The following LRCH4 variants were observed in gnomAD, a reference collection of about 807,000 sequenced individuals.
LRCH4 encodes the protein leucine rich repeats and calponin homology domain containing 4.
A neutral mutation model predicts 81.2 loss-of-function variants in LRCH4; 56 were observed. The ratio of observed to expected loss-of-function variants is 0.69; its 90% CI spans 0.56 to 0.86. The LOEUF is 0.86. LRCH4 is among the 40% of genes least tolerant of loss of function. LRCH4 has a pLI of 0.00. For missense variants in LRCH4, 895 were observed against 922.8 expected (o/e 0.97, Z 0.39); for synonymous variants, 442 against 409.7 (o/e 1.08, Z -0.95).
At position 100,577,512 on chromosome 7, in the gene LRCH4, C is replaced by T. The variant is rs752129086; in HGVS notation, c.1163G>A (p.Arg388Lys). The change falls in exon 10 of 18, where the codon AGG becomes AAG. Residue 388 changes from arginine (R) to lysine (K), a missense_variant. Arg to Lys is a conservative substitution (Grantham distance 26). Coordinates refer to ENST00000310300, the MANE Select transcript of LRCH4 (RefSeq NM_002319.5). This position sits in a 1 kb window ranked among gnomAD's most constrained non-coding sequence, Gnocchi z 6.7. Reference protein sequence around the residue: ...ELSPGAGDRERAPSSRREEPA... With the variant: ...ELSPGAGDREKAPSSRREEPA... ...CTTGGGGTACCTGCTGCTTGGTGCCCTCTCCCTGTCCCCTGCCCCAGGGCT... is the reference window on the plus strand; with the variant it reads ...CTTGGGGTACCTGCTGCTTGGTGCCTTCTCCCTGTCCCCTGCCCCAGGGCT... 8 of 1,609,518 alleles carry T rather than the reference C, an allele frequency of 5.0e-6. No homozygotes were observed. The African/African-American group carries it at 1.1e-4, about 21-fold the overall frequency.
Position 100,576,285 on chromosome 7 carries a change from A to G in LRCH4, c.1591T>C (p.Tyr531His), listed in dbSNP as rs577507745. The G allele has an allele frequency of 6.2e-7, 1 of 1,614,134 alleles. No individual in the cohort carries two copies. The highest frequency in any genetic ancestry group is 8.5e-7 in the Non-Finnish European group (1 of 1,180,010). ...SPDSVLRPRR[Y>H]PQVPDEKDLM... ...TCCTTCTCATCTGGAACCTGGGGGT[A>G]CCGCCGAGGTCTCAGGACAGAGTCT... The change falls in exon 15 of 18, where the codon TAC becomes CAC. Residue 531 changes from tyrosine (Y) to histidine (H), a missense_variant. Around this residue, in one of 3 missense-constraint regions of LRCH4, gnomAD observed 529 missense variants for 504.9 expected, o/e 1.05. Transcript: ENST00000310300.
In LRCH4 at chr7:100,574,759, C is replaced by T. The variant is rs956974788; in HGVS notation, c.*348G>A. On this transcript the variant is annotated 3_prime_UTR_variant, in exon 18 of 18. Transcript: ENST00000310300. ...CTACAAAATAGAGATAATTTAGCCCCCCCATAGCAGCTGTTGGGGGGGGAA... is the reference window on the plus strand; with the variant it reads ...CTACAAAATAGAGATAATTTAGCCCTCCCATAGCAGCTGTTGGGGGGGGAA... 1 of 265,934 alleles carries T rather than the reference C, an allele frequency of 3.8e-6. No individual in the cohort carries two copies. Among genetic ancestry groups the T allele is most frequent in the Non-Finnish European group, 7.2e-6 (1 of 138,312 alleles). The allele number at this position is 265,934 out of a possible 1,614,324, so 16.5% of individuals were successfully genotyped here. A position where few individuals can be genotyped will look rare whatever the true frequency, so the allele number is the denominator to read the frequency against.
rs1427911148 is a variant in LRCH4, at chr7:100,578,706, T to C, written c.679A>G (p.Arg227Gly). 1 of 1,614,156 alleles carries C rather than the reference T, an allele frequency of 6.2e-7. No individual in the cohort carries two copies. The highest frequency in any genetic ancestry group is 2.2e-5 in the East Asian group (1 of 44,878). The change falls in exon 5 of 18, where the codon AGG (arginine) becomes GGG (glycine). Residue 227 changes from arginine (R) to glycine (G), a missense_variant. By Grantham distance (125) the Arg-to-Gly change is moderately radical. Around this residue, in one of 3 missense-constraint regions of LRCH4, gnomAD observed 360 missense variants for 397.0 expected, o/e 0.91. Transcript: ENST00000310300. The surrounding 1 kb of genome is among the most constrained non-coding windows in gnomAD (Gnocchi z 5.7). ...TCCAGCAGAATGACCTGCAGGTGCC[T>C]CAGGCGGCAGAAGGAGACTGGGATT... ...SRIPVSFCRL[R>G]HLQVILLDSN...
At position 100,583,488 on chromosome 7, in the gene LRCH4, C is replaced by A; in HGVS notation, c.221-1029G>T. Among the ~76,000 whole-genome samples the A allele has an allele frequency of 6.6e-6, 1 of 152,192 alleles. No individual in the cohort carries two copies. The highest frequency in any genetic ancestry group is 2.1e-4 in the South Asian group (1 of 4,832). The stretch of plus-strand genomic sequence containing the variant: ...CGAGGCGGAGTCCCAGGCCACAGAC[C>A]TGGTGAGCTTCTCCAAGGGCCCTTC... On this transcript the variant is annotated intron_variant, in intron 1 of 17. Coordinates refer to ENST00000310300, the MANE Select transcript of LRCH4 (RefSeq NM_002319.5). This position sits in a 1 kb window ranked among gnomAD's most constrained non-coding sequence, Gnocchi z 4.3.
rs1801617654 is a variant in LRCH4 at position 100,583,272 on chromosome 7, A to G, written c.221-813T>C. ...CAGCAACTGTGTGAGCATCTCAGGC[A>G]CGGCGAGGGTGGAGAGTGTGGGAGG... On this transcript the variant is annotated intron_variant, in intron 1 of 17. Transcript: ENST00000310300. This position sits in a 1 kb window ranked among gnomAD's most constrained non-coding sequence, Gnocchi z 4.3. Among the ~76,000 whole-genome samples, 1 of 152,188 alleles carries G rather than the reference A, an allele frequency of 6.6e-6. No homozygotes were observed. The highest frequency in any genetic ancestry group is 2.4e-5 in the African/African-American group (1 of 41,450).
In LRCH4 at chr7:100,577,648, A is replaced by G. The variant is rs776557918; in HGVS notation, c.1116+16T>C. 1 of 1,613,324 alleles carries G rather than the reference A, an allele frequency of 6.2e-7. No individual in the cohort carries two copies. The highest frequency in any genetic ancestry group is 1.1e-5 in the South Asian group (1 of 91,084). ...CCAGCTCCCCTCCCTTGGGAGAGGCATAGCTGGGCTCTCACCTCCACAGTG... is the reference window on the plus strand; with the variant it reads ...CCAGCTCCCCTCCCTTGGGAGAGGCGTAGCTGGGCTCTCACCTCCACAGTG... On this transcript the variant is annotated intron_variant, in intron 9 of 17. Transcript: ENST00000310300. This position sits in a 1 kb window ranked among gnomAD's most constrained non-coding sequence, Gnocchi z 6.7.
In LRCH4 at chr7:100,575,701, A is replaced by C. The variant is rs1801332869; in HGVS notation, c.1854+4T>G. The C allele has an allele frequency of 1.2e-6, 2 of 1,614,002 alleles. No individual in the cohort carries two copies. Among genetic ancestry groups the C allele is most frequent in the Non-Finnish European group, 1.7e-6 (2 of 1,179,982 alleles). On this transcript the variant is annotated splice_donor_region_variant and intron_variant, in intron 17 of 17. Coordinates refer to ENST00000310300, the MANE Select transcript of LRCH4 (RefSeq NM_002319.5). The surrounding 1 kb of genome is among the most constrained non-coding windows in gnomAD (Gnocchi z 5.3). ...CACCACTCTTTAGAAAGCAGCCCCC[A>C]TACCTCAGGCACCCCCATTTTTCGA...
At position 100,580,445 on chromosome 7, in the gene LRCH4, C is replaced by A. The variant is rs988741244; in HGVS notation, c.598+1332G>T. On this transcript the variant is annotated intron_variant, in intron 4 of 17. Coordinates refer to ENST00000310300, the MANE Select transcript of LRCH4 (RefSeq NM_002319.5). Reference sequence around the variant, plus strand: ...ACACACACACACACACACACACACACAAAACCCACACACACGCAAACAACA... The same window carrying A: ...ACACACACACACACACACACACACAAAAAACCCACACACACGCAAACAACA... 20 of 135,798 alleles carry A rather than the reference C, an allele frequency of 1.5e-4. No individual in the cohort carries two copies. In the South Asian group the frequency reaches 2.0e-3, roughly 13 times the overall value. The allele number at this position is 135,798 out of a possible 1,614,324, so 8.4% of individuals were successfully genotyped here. A position where few individuals can be genotyped will look rare whatever the true frequency, so the allele number is the denominator to read the frequency against.
In LRCH4 at chr7:100,576,298, C is replaced by T. The variant is rs1333533182; in HGVS notation, c.1578G>A (p.Leu526=). 1.2e-6 allele frequency: 2 copies of T among 1,614,090 alleles called. No homozygotes were observed. The highest frequency in any genetic ancestry group is 8.5e-7 in the Non-Finnish European group (1 of 1,180,000). ...GAACCTGGGGGTACCGCCGAGGTCT[C>T]AGGACAGAGTCTGGTGAGGAAGGGC... ...GSGPSSPDSV[L]RPRRYPQVPD... Residue 526 remains leucine (L), a synonymous_variant, in exon 15 of 18, where the codon CTG becomes CTA. Coordinates refer to ENST00000310300, the MANE Select transcript of LRCH4 (RefSeq NM_002319.5).
Position 100,584,991 on chromosome 7 carries a change from G to A in LRCH4, c.220+890C>T. ...GCTGAGGCTTGACTCACCTGTCACA[G>A]TTAAGTCCCCCACCCCCTACCATCC... is the stretch of plus-strand genomic sequence containing the variant. On this transcript the variant is annotated intron_variant, in intron 1 of 17. Coordinates refer to ENST00000310300, the MANE Select transcript of LRCH4 (RefSeq NM_002319.5). The A allele has an allele frequency of 8.5e-6, 3 of 354,326 alleles. 1 individual carries two copies. The highest frequency in any genetic ancestry group is 1.7e-5 in the Non-Finnish European group (3 of 178,942). The allele number at this position is 354,326 out of a possible 1,614,324, so 21.9% of individuals were successfully genotyped here. A position where few individuals can be genotyped will look rare whatever the true frequency, so the allele number is the denominator to read the frequency against.
At chr7:100,585,675 G>T (rs573411097) in intron 1 of LRCH4, among the ~76,000 whole-genome samples, 3 of 152,302 alleles carry the variant, frequency 2.0e-5, no homozygotes, top group Admixed American at 2.0e-4. Flanking sequence ...GAGGCGCAGG[G>T]CGTTCTGTGC....
rs886912899 is a variant in LRCH4, at chr7:100,583,713, C to T, written c.221-1254G>A. ...TTCCTCTCTGCCCAGCCCTGGTGCACAGACAGAAGCCCTGGCCTCAGAGAT... is the reference window on the plus strand; with the variant it reads ...TTCCTCTCTGCCCAGCCCTGGTGCATAGACAGAAGCCCTGGCCTCAGAGAT... On this transcript the variant is annotated intron_variant, in intron 1 of 17. Coordinates refer to ENST00000310300, the MANE Select transcript of LRCH4 (RefSeq NM_002319.5). The surrounding 1 kb of genome is among the most constrained non-coding windows in gnomAD (Gnocchi z 4.3). Among the ~76,000 whole-genome samples, 1 of 152,204 alleles carries T rather than the reference C, an allele frequency of 6.6e-6. No individual in the cohort carries two copies. Among genetic ancestry groups the T allele is most frequent in the African/African-American group, 2.4e-5 (1 of 41,432 alleles).
chr7:100,580,823 GCACAGACA>G (rs774066428), intron 4 of LRCH4: 4 of 141,572 alleles, frequency 2.8e-5, no homozygotes, highest in East Asian at 2.0e-4. Flanking sequence ...AGACACACAT[GCACAGACA>G]CACAGACACA....
Position 100,578,347 on chromosome 7 carries a change from G to C in LRCH4, c.848+52C>G, listed in dbSNP as rs1801435586. On this transcript the variant is annotated intron_variant, in intron 6 of 17. Transcript: ENST00000310300. This position sits in a 1 kb window ranked among gnomAD's most constrained non-coding sequence, Gnocchi z 5.7. ...AGAAAGCAGGGGGTGCCTGGGGCCG[G>C]GAAGGGGCATTCAGTATCCCAGGGC... The C allele has an allele frequency of 1.9e-6, 3 of 1,600,630 alleles. No individual in the cohort carries two copies. Among genetic ancestry groups the C allele is most frequent in the Non-Finnish European group, 2.6e-6 (3 of 1,168,068 alleles).
In LRCH4 at chr7:100,577,749, G is replaced by A. The variant is rs373305497; in HGVS notation, c.1040-9C>T. On this transcript the variant is annotated splice_polypyrimidine_tract_variant and intron_variant, in intron 8 of 17. Coordinates refer to ENST00000310300, the MANE Select transcript of LRCH4 (RefSeq NM_002319.5). This position sits in a 1 kb window ranked among gnomAD's most constrained non-coding sequence, Gnocchi z 6.7. ...CACAGGGTCTCCGTCCGCTGGGGAG[G>A]CCAGCATGTCAGCAAGTGAGCGGGG... is the stretch of plus-strand genomic sequence containing the variant. 1.8e-5 allele frequency: 29 copies of A among 1,614,038 alleles called. No individual in the cohort carries two copies. In the East Asian group the frequency reaches 5.6e-4, roughly 31 times the overall value.
chr7:100,576,768 G>A lies in LRCH4; in HGVS notation c.1478C>T (p.Pro493Leu), dbSNP rs765077735. Residue 493 changes from proline to leucine, a missense_variant, in exon 14 of 18, where the codon CCT becomes CTT. This residue lies in a region of LRCH4 where 529 missense variants were observed against 504.9 expected (regional missense o/e 1.05). Coordinates refer to ENST00000310300, the MANE Select transcript of LRCH4 (RefSeq NM_002319.5). ...AATGGAGCCAAGTGGCCGTGGAGCAGGTGCTGTCGCTGGGGCCGGAACCAG... is the reference window on the plus strand; with the variant it reads ...AATGGAGCCAAGTGGCCGTGGAGCAAGTGCTGTCGCTGGGGCCGGAACCAG... ...PLPIAGPATAPAPRPLGSIQR... is the reference protein window; with the variant it reads ...PLPIAGPATALAPRPLGSIQR... 1.7e-5 allele frequency: 27 copies of A among 1,593,444 alleles called. No individual in the cohort carries two copies. The Admixed American group carries it at 4.6e-4, about 27-fold the overall frequency.
rs958050651 is a variant in LRCH4, at chr7:100,576,020, G to T, written c.1639-12C>A. The T allele has an allele frequency of 1.3e-5, 20 of 1,598,764 alleles. No individual in the cohort carries two copies. In the African/African-American group the frequency reaches 2.4e-4, roughly 19 times the overall value. ...CGGGACTCAAGGACCTGGCAGTGTA[G>T]ACCACATAGAGCAGGGGTCAGGGAA... On this transcript the variant is annotated splice_polypyrimidine_tract_variant and intron_variant, in intron 15 of 17. Coordinates refer to ENST00000310300, the MANE Select transcript of LRCH4 (RefSeq NM_002319.5).
In LRCH4 at chr7:100,575,121, G is replaced by T. The variant is rs769269118; in HGVS notation, c.2038C>A (p.Leu680Ile). The T allele has an allele frequency of 1.9e-6, 3 of 1,609,854 alleles. No individual in the cohort carries two copies. The Admixed American group carries it at 5.0e-5, about 27-fold the overall frequency. Reference sequence around the variant, plus strand: ...GATTTTGGGGCCTAGGAACCCAGGAGCCGAGTGTAGGTGACATAGAGCAGC... The same window carrying T: ...GATTTTGGGGCCTAGGAACCCAGGATCCGAGTGTAGGTGACATAGAGCAGC... Reference protein sequence around the residue: ...MLLLYVTYTRLLGS With the variant: ...MLLLYVTYTRILGS The change falls in exon 18 of 18, where the codon CTC (leucine) becomes ATC (isoleucine). Residue 680 changes from leucine (L) to isoleucine (I), a missense_variant. Physicochemically the swap from Leu to Ile is conservative, Grantham distance 5. Coordinates refer to ENST00000310300, the MANE Select transcript of LRCH4 (RefSeq NM_002319.5). This position sits in a 1 kb window ranked among gnomAD's most constrained non-coding sequence, Gnocchi z 5.3.
At chr7:100,580,428 ACACACACACACACACACAAAACC>A (rs1230766103) in intron 4 of LRCH4, 56 of 152,306 alleles carry the variant, frequency 3.7e-4, no homozygotes, top group African/African-American at 1.3e-3. Context: ...ACACACACAC[ACACACACACACACACACAAAACC>A]CACACACACG....
Sources: allele counts gnomAD v4.1 joint callset (sites outside exome capture counted in the v4.1 genomes callset), GRCh38; gene constraint gnomAD v4.1.1; regional missense constraint gnomAD v4.1.1; non-coding constraint Gnocchi (gnomAD v3.1); transcripts MANE v1.5; gene names NCBI Gene and HGNC (gene_info 2026-07-23, HGNC 2026-07-21).